PTPRD: variants seen among roughly 807,000 people sequenced by gnomAD.
PTPRD encodes the protein protein tyrosine phosphatase receptor type D, also known as receptor-type tyrosine-protein phosphatase delta.
PTPRD carries 34 observed loss-of-function variants against 214.5 expected under a neutral mutation model. The ratio of observed to expected loss-of-function variants is 0.16; its 90% CI spans 0.12 to 0.21. The LOEUF (loss-of-function observed/expected upper bound fraction) is 0.21, where lower values mean the gene tolerates loss of function less well. PTPRD is among the 10% of genes least tolerant of loss of function. The pLI is 1.00. For missense variants in PTPRD, 2,545 were observed against 2,398.7 expected, an observed-to-expected ratio of 1.06 and a Z score of -1.27; for synonymous variants, 1,128 against 845.7, an observed-to-expected ratio of 1.33 and a Z score of -5.79.
At chr9:10,083,234 C>G (rs1420549419) in intron 3 of PTPRD, among the ~76,000 whole-genome samples, 1 of 151,966 alleles carries the variant, frequency 6.6e-6, no homozygotes, top group Non-Finnish European at 1.5e-5. Flanking sequence ...TACATGATAT[C>G]TTACAGTAAT....
chr9:10,239,537 G>C (rs1595065773), intron 3 of PTPRD, among the ~76,000 whole-genome samples: 2 of 151,562 alleles, frequency 1.3e-5, no homozygotes, highest in South Asian at 2.1e-4. Flanking sequence ...TTTCCAGGTA[G>C]TGAAAGGGAA....
intron 3 of PTPRD, among the ~76,000 whole-genome samples, chr9:10,271,898 TTGTC>T (rs1469380793): frequency 1.3e-5 from 2 of 152,178 alleles, no homozygotes; most frequent in Non-Finnish European, 2.9e-5. Flanking sequence ...TAAATTTTAT[TTGTC>T]TGTATGTGAA....
chr9:8,909,348 C>G (rs937496542), intron 11 of PTPRD, among the ~76,000 whole-genome samples: 42 of 152,134 alleles, frequency 2.8e-4, no homozygotes, highest in Middle Eastern at 3.4e-3. Flanking sequence ...GACATAGACA[C>G]AACAATTTTT....
intron 12 of PTPRD, among the ~76,000 whole-genome samples, chr9:8,662,637 C>G (rs143086774): frequency 6.6e-6 from 1 of 152,280 alleles, no homozygotes; most frequent in Non-Finnish European, 1.5e-5. Context: ...ATCCCAGTAG[C>G]ATAGACTCAC....
Position 9,023,103 on chromosome 9 carries a change from G to C in PTPRD, c.-142-4368C>G, listed in dbSNP as rs1449467153. Reference sequence around the variant, plus strand: ...GAACCTATACAAATAACTTCATGGGGTTTTGGTAGGAATAAGTGGGATAAA... The same window carrying C: ...GAACCTATACAAATAACTTCATGGGCTTTTGGTAGGAATAAGTGGGATAAA... On this transcript the variant is annotated intron_variant, in intron 10 of 45. Transcript: ENST00000381196. 3.3e-5 allele frequency among the ~76,000 whole-genome samples: 5 copies of C among 152,196 alleles called. No individual in the cohort carries two copies. In the South Asian group the frequency reaches 8.3e-4, roughly 25 times the overall value.
intron 5 of PTPRD, among the ~76,000 whole-genome samples, chr9:9,849,080 A>G (rs1329044972): frequency 6.6e-6 from 1 of 150,972 alleles, no homozygotes; most frequent in African/African-American, 2.5e-5. Flanking sequence ...GTTTTACCCT[A>G]TGTTTTTAAA....
At chr9:9,384,168 C>G (rs1340783160) in intron 9 of PTPRD, among the ~76,000 whole-genome samples, 1 of 151,266 alleles carries the variant, frequency 6.6e-6, no homozygotes, top group African/African-American at 2.4e-5. Flanking sequence ...AAACATATAT[C>G]TCAGTGTGTT....
intron 2 of PTPRD, among the ~76,000 whole-genome samples, chr9:10,590,450 G>C (rs2075139651): frequency 6.6e-6 from 1 of 151,872 alleles, no homozygotes; most frequent in Admixed American, 6.6e-5. Flanking sequence ...ATTACCACTT[G>C]CTCCTTTATA....
chr9:8,664,107 C>G (rs1285625974), intron 12 of PTPRD, among the ~76,000 whole-genome samples: 1 of 152,172 alleles, frequency 6.6e-6, no homozygotes, highest in Non-Finnish European at 1.5e-5. Flanking sequence ...AACACTACAA[C>G]ACAGTGCAAA....
intron 8 of PTPRD, among the ~76,000 whole-genome samples, chr9:9,554,948 T>C (rs995718857): frequency 6.6e-6 from 1 of 152,104 alleles, no homozygotes; most frequent in African/African-American, 2.4e-5. Flanking sequence ...CTACATATTC[T>C]ATATTATACA....
chr9:9,382,251 T>A (rs2062542114), intron 9 of PTPRD, among the ~76,000 whole-genome samples: 1 of 152,128 alleles, frequency 6.6e-6, no homozygotes, highest in South Asian at 2.1e-4. Context: ...CTTTGCTAAA[T>A]TCATACATTA....
chr9:9,120,002 G>A (rs1457098452), intron 10 of PTPRD, among the ~76,000 whole-genome samples: 1 of 152,046 alleles, frequency 6.6e-6, no homozygotes, highest in African/African-American at 2.4e-5. Context: ...ATTTGTGTTT[G>A]GGACATAATG....
intron 14 of PTPRD, among the ~76,000 whole-genome samples, chr9:8,565,062 A>G (rs113941319): frequency 0.01 from 1,578 of 152,290 alleles, 35 homozygotes; most frequent in African/African-American, 0.036. Context: ...GCTACTCACA[A>G]AATTAGAAGT....
At chr9:9,882,736 T>C (rs1487410147) in intron 5 of PTPRD, among the ~76,000 whole-genome samples, 1 of 151,392 alleles carries the variant, frequency 6.6e-6, no homozygotes. Flanking sequence ...AACCCCCCTA[T>C]ACACCCCCAG....
At chr9:10,425,866 A>C (rs1165276652) in intron 2 of PTPRD, among the ~76,000 whole-genome samples, 1 of 151,946 alleles carries the variant, frequency 6.6e-6, no homozygotes, top group Admixed American at 6.6e-5. Flanking sequence ...TATATTCATA[A>C]GTCATATACA....
chr9:8,830,151 T>C (rs574828950), intron 11 of PTPRD, among the ~76,000 whole-genome samples: 4 of 152,200 alleles, frequency 2.6e-5, no homozygotes, highest in Non-Finnish European at 5.9e-5. Flanking sequence ...ATGTTCATTT[T>C]ACAGATGAGA....
intron 7 of PTPRD, among the ~76,000 whole-genome samples, chr9:9,595,487 TGCATATGTACACATGTAC>T (rs1234030563): frequency 2.0e-5 from 3 of 150,602 alleles, no homozygotes; most frequent in Non-Finnish European, 3.0e-5. Context: ...TACACATGTA[TGCATATGTACACATGTAC>T]ACATATGCAT....
At chr9:9,150,448 G>T (rs1592474063) in intron 10 of PTPRD, among the ~76,000 whole-genome samples, 1 of 145,714 alleles carries the variant, frequency 6.9e-6, no homozygotes, top group South Asian at 2.1e-4. Context: ...TAATATATAT[G>T]TATGTAACAT....
chr9:10,003,953 G>C (rs1230236340), intron 4 of PTPRD, among the ~76,000 whole-genome samples: 1 of 151,686 alleles, frequency 6.6e-6, no homozygotes, highest in African/African-American at 2.4e-5. Flanking sequence ...TGCCTTGCAA[G>C]ATTAAGCTCT....
Sources: allele counts gnomAD v4.1 joint callset (sites outside exome capture counted in the v4.1 genomes callset), GRCh38; gene constraint gnomAD v4.1.1; transcripts MANE v1.5; gene names NCBI Gene and HGNC (gene_info 2026-07-23, HGNC 2026-07-21).